The following WLS variants were observed in gnomAD, a reference collection of about 807,000 sequenced individuals.
The protein encoded by WLS is protein wntless homolog.
A neutral mutation model predicts 62.8 loss-of-function variants in WLS; 23 were observed. The observed-to-expected ratio is 0.37, with a 90% CI of 0.26 to 0.52. The LOEUF is 0.52. Among genes scored for constraint, WLS ranks in the 20% least tolerant of loss-of-function variants. The probability of loss-of-function intolerance (pLI) is 0.92; values close to 1 mark genes in which losing one functional copy is unlikely to be tolerated. For missense variants in WLS, 615 were observed against 697.3 expected, an observed-to-expected ratio of 0.88 and a Z score of 1.33; for synonymous variants, 246 against 244.1, an observed-to-expected ratio of 1.01 and a Z score of -0.07.
chr1:68,153,747 C>T, intron 4 of WLS, 94 bp from the exon 5 acceptor site: 2 of 1,532,676 alleles, frequency 1.3e-6, no homozygotes, highest in South Asian at 1.2e-5. Context: ...AAGTGGAGAC[C>T]TCGTCTGCGA....
At chr1:68,134,224 G>A (rs547899758) in intron 11 of WLS, among the ~76,000 whole-genome samples, 21 of 152,124 alleles carry the variant, frequency 1.4e-4, no homozygotes, top group Non-Finnish European at 2.6e-4. Context: ...CAAATGCTCC[G>A]TAATTCCTAG....
intron 2 of WLS, among the ~76,000 whole-genome samples, chr1:68,182,210 T>C (rs1647621607): frequency 6.6e-6 from 1 of 152,196 alleles, no homozygotes; most frequent in South Asian, 2.1e-4. Context: ...GTTTCTGAAT[T>C]GGAATTTTTC....
chr1:68,230,419 G>T (rs1650351932), intron 1 of WLS, among the ~76,000 whole-genome samples: 1 of 152,154 alleles, frequency 6.6e-6, no homozygotes, highest in African/African-American at 2.4e-5. Context: ...GACAAGAGGT[G>T]TAATTGTAAC....
rs999030700 is a variant in WLS at position 68,125,709 on chromosome 1, A to G, written c.*517T>C. The G allele has an allele frequency of 1.2e-5, 12 of 985,984 alleles. No individual in the cohort carries two copies. Among genetic ancestry groups the G allele is most frequent in the Non-Finnish European group, 1.4e-5 (12 of 830,398 alleles). 61.1% of individuals were successfully genotyped at this position (985,984 alleles called of 1,614,324 possible). ...GGACACTTATCTATTGACAACTTAAATATTAACTCAGTGGGCTACCTGGTG... is the reference window on the plus strand; with the variant it reads ...GGACACTTATCTATTGACAACTTAAGTATTAACTCAGTGGGCTACCTGGTG... On this transcript the variant is annotated 3_prime_UTR_variant, in exon 12 of 12. Coordinates refer to ENST00000262348, the MANE Select transcript of WLS (RefSeq NM_024911.7).
chr1:68,141,270 G>C (rs1349120518), intron 10 of WLS, among the ~76,000 whole-genome samples: 1 of 152,062 alleles, frequency 6.6e-6, no homozygotes, highest in African/African-American at 2.4e-5. Flanking sequence ...AAAAGAGCTG[G>C]GGACAGGCTC....
chr1:68,120,520 CT>C (rs1646350673), downstream of WLS, among the ~76,000 whole-genome samples: 1 of 152,212 alleles, frequency 6.6e-6, no homozygotes, highest in African/African-American at 2.4e-5. Context: ...ACTGAAGTTC[CT>C]TTAGTTCCAA....
chr1:68,231,607 G>C, intron 1 of WLS: 1 of 399,428 alleles, frequency 2.5e-6, no homozygotes, highest in Non-Finnish European at 5.1e-6. Context: ...GCAGAGCGTG[G>C]GGTGGAGTGC....
rs750460848 is a variant in WLS at position 68,194,124 on chromosome 1, A to G, written c.210T>C (p.His70=). The change falls in exon 2 of 12, where the codon CAT becomes CAC. Residue 70 remains histidine (H), a synonymous_variant. Coordinates refer to ENST00000262348, the MANE Select transcript of WLS (RefSeq NM_024911.7). ...CTTCAATGTCTCGGATCTTGTCACAATGATTGGGTCCCCAAGGCACGAACC... is the reference window on the plus strand; with the variant it reads ...CTTCAATGTCTCGGATCTTGTCACAGTGATTGGGTCCCCAAGGCACGAACC... ...TKWFVPWGPN[H]CDKIRDIEEA... 11 of 1,614,064 alleles carry G rather than the reference A, an allele frequency of 6.8e-6. No individual in the cohort carries two copies. In the African/African-American group the frequency reaches 8.0e-5, roughly 12 times the overall value.
At chr1:68,216,987 C>T (rs554195370) in intron 1 of WLS, among the ~76,000 whole-genome samples, 1 of 152,292 alleles carries the variant, frequency 6.6e-6, no homozygotes, top group South Asian at 2.1e-4. Flanking sequence ...ACAGTCTCCT[C>T]ATTTTAAAAA....
rs187677534 is a variant in WLS at position 68,159,248 on chromosome 1, C to A, written c.380-1G>T. 1 of 1,611,866 alleles carries A rather than the reference C, an allele frequency of 6.2e-7. No individual in the cohort carries two copies. The highest frequency in any genetic ancestry group is 1.7e-5 in the Admixed American group (1 of 59,354). On this transcript the variant is annotated splice_acceptor_variant, in intron 2 of 11. Coordinates refer to ENST00000262348, the MANE Select transcript of WLS (RefSeq NM_024911.7). LOFTEE classifies it high-confidence loss of function. ...TCCATGGAGACTTCTGCATTTTCTCCTGCAAGAGAAAGGATGCACGTTTCA... is the reference window on the plus strand; with the variant it reads ...TCCATGGAGACTTCTGCATTTTCTCATGCAAGAGAAAGGATGCACGTTTCA...
At chr1:68,109,021 T>C (rs1213244144) in intron 11 of WLS, among the ~76,000 whole-genome samples, 1 of 152,234 alleles carries the variant, frequency 6.6e-6, no homozygotes, top group Non-Finnish European at 1.5e-5. Flanking sequence ...TGACAAAGTA[T>C]ACTTTTAATT....
At position 68,125,493 on chromosome 1, in the gene WLS, TAAA is replaced by T; in HGVS notation, c.*730_*732del. On this transcript the variant is annotated 3_prime_UTR_variant, in exon 12 of 12. Coordinates refer to ENST00000262348, the MANE Select transcript of WLS (RefSeq NM_024911.7). ...ATAAAACGCATTTTAAGCAAGAAGT[TAAA>T]AAAGCTTTTCAGACCCGAAGGCCAT... 1.0e-5 allele frequency: 10 copies of T among 985,444 alleles called. No homozygotes were observed. Among genetic ancestry groups the T allele is most frequent in the Non-Finnish European group, 1.2e-5 (10 of 829,922 alleles). The allele number at this position is 985,444 out of a possible 1,614,324, so 61.0% of individuals were successfully genotyped here.
intron 2 of WLS, among the ~76,000 whole-genome samples, chr1:68,163,896 A>G (rs2772307): frequency 0.97 from 147,834 of 152,246 alleles, 71,910 homozygotes; most frequent in East Asian, 1. Flanking sequence ...ACACATACAA[A>G]TCACAAGGGA....
intron 2 of WLS, among the ~76,000 whole-genome samples, chr1:68,186,096 A>C (rs748676456): frequency 4.0e-4 from 61 of 152,212 alleles, no homozygotes; most frequent in Non-Finnish European, 7.2e-4. Flanking sequence ...GAAGCTGTGT[A>C]TCAGGAAATT....
chr1:68,103,031 C>T (rs901689694), intron 11 of WLS, among the ~76,000 whole-genome samples: 8 of 152,128 alleles, frequency 5.3e-5, no homozygotes, highest in Non-Finnish European at 8.8e-5. Context: ...GAGATATGTT[C>T]CTGTTCTGTA....
intron 1 of WLS, chr1:68,228,390 A>T: frequency 6.9e-6 from 2 of 290,004 alleles, no homozygotes; most frequent in South Asian, 6.3e-5. Context: ...GAAGCTGAGC[A>T]AATTGCACAT....
chr1:68,185,991 A>C (rs937666690), intron 2 of WLS, among the ~76,000 whole-genome samples: 6 of 152,106 alleles, frequency 3.9e-5, no homozygotes, highest in African/African-American at 1.4e-4. Context: ...CTTTCAGGTG[A>C]CCATTCTGAA....
intron 1 of WLS, among the ~76,000 whole-genome samples, chr1:68,201,480 C>A (rs916333419): frequency 1.3e-5 from 2 of 152,224 alleles, no homozygotes; most frequent in African/African-American, 4.8e-5. Flanking sequence ...TTCAACCATA[C>A]CCATTAAATC....
At chr1:68,120,343 G>C (rs1358441962) in intron 11 of WLS, among the ~76,000 whole-genome samples, 2 of 152,172 alleles carry the variant, frequency 1.3e-5, no homozygotes, top group Admixed American at 6.5e-5. Flanking sequence ...TCTCGATTTG[G>C]CCTGAAGAGG....
Sources: gnomAD v4.1 joint callset for allele counts (sites outside exome capture counted in the v4.1 genomes callset) on GRCh38, gnomAD v4.1.1 for gene constraint, MANE v1.5 for transcripts, NCBI Gene and HGNC (gene_info 2026-07-23, HGNC 2026-07-21) for gene names.